Variants in RAPGEF1 observed in about 807,000 individuals in gnomAD.
RAPGEF1 encodes CRK SH3-binding GNRP.
A neutral mutation model predicts 143.3 loss-of-function variants in RAPGEF1; 33 were observed. That is an observed-to-expected ratio of 0.23 (90% CI 0.17 to 0.31). The LOEUF is 0.31. RAPGEF1 is among the 10% of genes least tolerant of loss of function. RAPGEF1 has a pLI of 1.00. For synonymous variants in RAPGEF1, 629 were observed against 676.5 expected, an observed-to-expected ratio of 0.93 and a Z score of 1.09; for missense variants, 1,199 against 1,645.4, an observed-to-expected ratio of 0.73 and a Z score of 4.69.
intron 1 of RAPGEF1, among the ~76,000 whole-genome samples, chr9:131,727,953 T>C (rs1442214891): frequency 6.6e-6 from 1 of 152,196 alleles, no homozygotes; most frequent in African/African-American, 2.4e-5. Context: ...GTTATGCTAA[T>C]TGAGAGGTTC....
At chr9:131,695,549 G>C (rs935545051) in intron 1 of RAPGEF1, among the ~76,000 whole-genome samples, 51 of 152,308 alleles carry the variant, frequency 3.3e-4, no homozygotes, top group African/African-American at 1.2e-3. Flanking sequence ...GGAAGCAGGG[G>C]CATCAGGAGC....
At chr9:131,668,263 GGCTTCCCTCCCGGA>G in intron 1 of RAPGEF1, among the ~76,000 whole-genome samples, 1 of 152,198 alleles carries the variant, frequency 6.6e-6, no homozygotes, top group Non-Finnish European at 1.5e-5. Flanking sequence ...GACTCAGAGC[GGCTTCCCTCCCGGA>G]GCCCAATCAA....
intron 1 of RAPGEF1, among the ~76,000 whole-genome samples, chr9:131,682,429 T>G (rs1233995236): frequency 6.6e-6 from 1 of 152,226 alleles, no homozygotes; most frequent in African/African-American, 2.4e-5. Context: ...ACAAAAGCTG[T>G]GAGCCTTCTG....
intron 1 of RAPGEF1, among the ~76,000 whole-genome samples, chr9:131,730,318 G>A (rs979322316): frequency 1.7e-4 from 25 of 151,452 alleles, no homozygotes; most frequent in African/African-American, 5.6e-4. Flanking sequence ...AACATTTACT[G>A]CCATTAAAAA....
At chr9:131,642,251 C>T (rs1033489699) in intron 4 of RAPGEF1, among the ~76,000 whole-genome samples, 1 of 152,212 alleles carries the variant, frequency 6.6e-6, no homozygotes, top group Non-Finnish European at 1.5e-5. Context: ...GGGCAAAGGC[C>T]GGCTCCATGT....
chr9:131,736,225 C>T (rs1451059115), intron 1 of RAPGEF1, among the ~76,000 whole-genome samples: 1 of 152,196 alleles, frequency 6.6e-6, no homozygotes, highest in Non-Finnish European at 1.5e-5. Flanking sequence ...ACCCTGGGAG[C>T]TCCCTAATCT....
chr9:131,588,792 G>C lies in RAPGEF1; in HGVS notation c.3053+9C>G. On this transcript the variant is annotated intron_variant, in intron 20 of 26. Coordinates refer to ENST00000683357, the MANE Select transcript of RAPGEF1 (RefSeq NM_001377935.1). ...GGAAGAGGCAGGGCTGGAGAGGTGG[G>C]CTTCTCACCTGGCTGCTACCCCCCG... 1 of 1,607,086 alleles carries C rather than the reference G, an allele frequency of 6.2e-7. No individual in the cohort carries two copies. The highest frequency in any genetic ancestry group is 8.5e-7 in the Non-Finnish European group (1 of 1,176,728).
At chr9:131,691,771 A>C (rs11243472) in intron 1 of RAPGEF1, among the ~76,000 whole-genome samples, 7,593 of 152,242 alleles carry the variant, frequency 0.05, 550 homozygotes, top group African/African-American at 0.16. Context: ...AAGCAGAACA[A>C]AAATTAATTA....
intron 12 of RAPGEF1, among the ~76,000 whole-genome samples, chr9:131,614,644 T>C (rs1285176012): frequency 1.3e-5 from 2 of 152,224 alleles, no homozygotes; most frequent in Non-Finnish European, 2.9e-5. Context: ...GGGGACGCCA[T>C]GGCATGGGGA....
chr9:131,579,394 GGCCGGGACTCCT>G lies in RAPGEF1; in HGVS notation c.*91_*102del. 1 of 1,466,430 alleles carries G rather than the reference GGCCGGGACTCCT, an allele frequency of 6.8e-7. No homozygotes were observed. Among genetic ancestry groups the G allele is most frequent in the Non-Finnish European group, 9.2e-7 (1 of 1,087,526 alleles). 90.8% of individuals were successfully genotyped at this position (1,466,430 alleles called of 1,614,324 possible). A position where few individuals can be genotyped will look rare whatever the true frequency, so the allele number is the denominator to read the frequency against. On this transcript the variant is annotated 3_prime_UTR_variant, in exon 27 of 27. Coordinates refer to ENST00000683357, the MANE Select transcript of RAPGEF1 (RefSeq NM_001377935.1). ...GGGCTGGCCAGCCTCATGGCTCCGA[GGCCGGGACTCCT>G]GCCATGCGCCTAACAGGTCCAAGGT...
intron 12 of RAPGEF1, among the ~76,000 whole-genome samples, chr9:131,606,156 G>A (rs963931948): frequency 8.5e-5 from 13 of 152,228 alleles, no homozygotes; most frequent in African/African-American, 2.9e-4. Context: ...GCTCATCAGA[G>A]AGGAAAGACA....
intron 1 of RAPGEF1, among the ~76,000 whole-genome samples, chr9:131,735,323 T>A (rs1398687725): frequency 2.0e-5 from 3 of 152,218 alleles, no homozygotes; most frequent in Admixed American, 2.0e-4. Flanking sequence ...CCTACCCCAC[T>A]GCCTGTGCCC....
At chr9:131,585,645 CT>C (rs1952602813) in intron 22 of RAPGEF1, among the ~76,000 whole-genome samples, 1 of 152,190 alleles carries the variant, frequency 6.6e-6, no homozygotes, top group Non-Finnish European at 1.5e-5. Context: ...GCTAAACATG[CT>C]TTTCCCCAGG....
intron 1 of RAPGEF1, among the ~76,000 whole-genome samples, chr9:131,695,726 C>G (rs1834121250): frequency 6.6e-6 from 1 of 152,194 alleles, no homozygotes; most frequent in South Asian, 2.1e-4. Context: ...TAAATGTTCT[C>G]TCTCTGGTTG....
chr9:131,603,541 G>A (rs756151056), intron 14 of RAPGEF1, among the ~76,000 whole-genome samples: 4 of 152,158 alleles, frequency 2.6e-5, no homozygotes, highest in Non-Finnish European at 2.9e-5. Flanking sequence ...GACATGCTGG[G>A]GAGGGAGATG....
intron 1 of RAPGEF1, among the ~76,000 whole-genome samples, chr9:131,670,306 T>C (rs1270017345): frequency 2.6e-5 from 4 of 152,194 alleles, no homozygotes; most frequent in Admixed American, 2.0e-4. Context: ...AGTGTTCCAC[T>C]TAAGTCAGCA....
intron 5 of RAPGEF1, among the ~76,000 whole-genome samples, chr9:131,634,871 G>A (rs1057311050): frequency 2.0e-5 from 3 of 152,132 alleles, no homozygotes; most frequent in African/African-American, 7.2e-5. Context: ...AAAAGATCAT[G>A]CTGGGATATC....
At chr9:131,602,320 C>T (rs1956407008) in intron 14 of RAPGEF1, among the ~76,000 whole-genome samples, 171 bp from the exon 15 acceptor site, 1 of 152,234 alleles carries the variant, frequency 6.6e-6, no homozygotes. Flanking sequence ...CACAAGCCCT[C>T]AAGACTAGCA....
At chr9:131,714,705 CTT>C (rs10568442) in intron 1 of RAPGEF1, among the ~76,000 whole-genome samples, 49,128 of 114,872 alleles carry the variant, frequency 0.43, 9,417 homozygotes, top group African/African-American at 0.52. Context: ...TAGACTCTGC[CTT>C]TTTTTTTTTT....
Sources: gnomAD v4.1 joint callset for allele counts (sites outside exome capture counted in the v4.1 genomes callset) on GRCh38, gnomAD v4.1.1 for gene constraint, MANE v1.5 for transcripts, NCBI Gene and HGNC (gene_info 2026-07-23, HGNC 2026-07-21) for gene names.